RYR2: variants seen among roughly 807,000 people sequenced by gnomAD.
RYR2 encodes cardiac muscle ryanodine receptor-calcium release channel.
In RYR2, 227 loss-of-function variants were observed where a neutral mutation model predicts 601.1. The observed-to-expected ratio is 0.38, with a 90% CI of 0.34 to 0.42. The LOEUF (loss-of-function observed/expected upper bound fraction) is 0.42, where lower values mean the gene tolerates loss of function less well. Ranked by LOEUF, RYR2 falls within the 10% of genes least tolerant of loss-of-function variation. RYR2 has a pLI of 1.00. For missense variants in RYR2, 4,646 were observed against 6,156.5 expected, an observed-to-expected ratio of 0.75 and a Z score of 8.21; for synonymous variants, 2,223 against 2,175.1, an observed-to-expected ratio of 1.02 and a Z score of -0.61.
intron 27 of RYR2, among the ~76,000 whole-genome samples, chr1:237,554,307 A>T (rs1019326634): frequency 3.9e-5 from 6 of 151,942 alleles, no homozygotes; most frequent in African/African-American, 1.4e-4. Context: ...GTGATTTTCA[A>T]ATGTTAAACC....
intron 1 of RYR2, among the ~76,000 whole-genome samples, chr1:237,259,489 G>C (rs1688304271): frequency 6.8e-6 from 1 of 147,872 alleles, no homozygotes. Context: ...CTGGGCAACA[G>C]AGTGAGACTC....
At chr1:237,268,145 A>G (rs1689252653) in intron 1 of RYR2, among the ~76,000 whole-genome samples, 1 of 151,930 alleles carries the variant, frequency 6.6e-6, no homozygotes, top group East Asian at 1.9e-4. Context: ...TCATTCCCAA[A>G]CTGTCTTTAG....
At chr1:237,276,899 A>G (rs1237972819) in intron 2 of RYR2, among the ~76,000 whole-genome samples, 1 of 152,240 alleles carries the variant, frequency 6.6e-6, no homozygotes, top group Non-Finnish European at 1.5e-5. Flanking sequence ...GCATAATAAA[A>G]GAAGGAAAAG....
chr1:237,648,586 T>G lies in RYR2; in HGVS notation c.7485T>G (p.Asp2495Glu), dbSNP rs1220376537. The G allele has an allele frequency of 6.2e-7, 1 of 1,610,436 alleles. No individual in the cohort carries two copies. The highest frequency in any genetic ancestry group is 8.5e-7 in the Non-Finnish European group (1 of 1,178,260). The change falls in exon 49 of 105, where the codon GAT becomes GAG. Residue 2495 changes from aspartate to glutamate, a missense_variant. Asp to Glu is a conservative substitution (Grantham distance 45, BLOSUM62 2). Around this residue, in one of 17 missense-constraint regions of RYR2, gnomAD observed 1,497 missense variants for 1,842.6 expected, o/e 0.81. Coordinates refer to ENST00000366574, the MANE Select transcript of RYR2 (RefSeq NM_001035.3). ...TTCTTGAGGTTGGCTTTCTGCCAGA[T>G]CTCCGGGCGGCTGCTTCTTTAGATA... ...LHLLEVGFLP[D>E]LRAAASLDTA... is the part of the protein sequence containing the mutation.
Position 237,654,160 on chromosome 1 carries a change from T to C in RYR2, c.7825-114T>C, listed in dbSNP as rs115894581. ...AGATAATTTATATGGGATTGGGCAA[T>C]TTCACTTCAGATGACCTTATAATGT... On this transcript the variant is annotated intron_variant, in intron 51 of 104. Coordinates refer to ENST00000366574, the MANE Select transcript of RYR2 (RefSeq NM_001035.3). The C allele has an allele frequency of 7.4e-3, 9,664 of 1,305,152 alleles. 502 individuals are homozygous for C. The African/African-American group carries it at 0.12, about 16-fold the overall frequency. 80.8% of individuals were successfully genotyped at this position (1,305,152 alleles called of 1,614,324 possible).
At chr1:237,581,924 C>A (rs1426109756) in intron 29 of RYR2, among the ~76,000 whole-genome samples, 1 of 152,128 alleles carries the variant, frequency 6.6e-6, no homozygotes, top group African/African-American at 2.4e-5. Context: ...TGAAATGATT[C>A]TTGTGTGGCC....
chr1:237,241,749 A>T (rs1686192909), intron 1 of RYR2, among the ~76,000 whole-genome samples: 1 of 152,182 alleles, frequency 6.6e-6, no homozygotes, highest in African/African-American at 2.4e-5. Flanking sequence ...TCCAGAACTG[A>T]GGGTTCCTTC....
At chr1:237,792,381 G>GCA in intron 94 of RYR2, 58 bp downstream of exon 94, 9 of 913,332 alleles carry the variant, frequency 9.9e-6, no homozygotes, top group Middle Eastern at 3.4e-4. Flanking sequence ...GTGTGTGTGT[G>GCA]CGTGTGTGTG....
At chr1:237,306,422 G>A (rs1043547915) in intron 2 of RYR2, among the ~76,000 whole-genome samples, 1 of 152,086 alleles carries the variant, frequency 6.6e-6, no homozygotes, top group African/African-American at 2.4e-5. Context: ...GCAGTCTATG[G>A]ACTATTCTAT....
At chr1:237,668,233 G>T (rs1057054756) in intron 58 of RYR2, among the ~76,000 whole-genome samples, 1 of 152,082 alleles carries the variant, frequency 6.6e-6, no homozygotes, top group South Asian at 2.1e-4. Flanking sequence ...TTCTATGAAT[G>T]ACTTAGACTT....
At chr1:237,500,981 C>A (rs535484529) in intron 21 of RYR2, 78 bp downstream of exon 21, 269 of 1,310,796 alleles carry the variant, frequency 2.1e-4, no homozygotes, top group South Asian at 1.3e-3. Flanking sequence ...ACTGCCATTG[C>A]CCTTCTTCTC....
intron 79 of RYR2, among the ~76,000 whole-genome samples, chr1:237,734,987 A>G (rs1354812856): frequency 6.6e-6 from 1 of 152,198 alleles, no homozygotes; most frequent in African/African-American, 2.4e-5. Flanking sequence ...GCCTGTAAGG[A>G]CACAGAACAT....
chr1:237,257,610 G>A (rs1032886270), intron 1 of RYR2, among the ~76,000 whole-genome samples: 15 of 152,202 alleles, frequency 9.9e-5, no homozygotes, highest in African/African-American at 2.6e-4. Context: ...CCAGGGATGC[G>A]GTATGAACGA....
chr1:237,381,519 G>A (rs1355023191), intron 8 of RYR2, among the ~76,000 whole-genome samples: 1 of 152,208 alleles, frequency 6.6e-6, no homozygotes, highest in Non-Finnish European at 1.5e-5. Context: ...ACTCCTTGGT[G>A]ATCAGTGTCT....
At position 237,810,484 on chromosome 1, in the gene RYR2, T is replaced by C. The variant is rs566924119; in HGVS notation, c.14433+1449T>C. On this transcript the variant is annotated intron_variant, in intron 100 of 104. Transcript: ENST00000366574. The stretch of plus-strand genomic sequence containing the variant: ...TTGTTAAAACCCACAGTTGGTGAAT[T>C]GATGGGAAAAATCAGCATTTTCATG... 2.0e-5 allele frequency among the ~76,000 whole-genome samples: 3 copies of C among 152,330 alleles called. No individual in the cohort carries two copies. In the South Asian group the frequency reaches 6.2e-4, roughly 32 times the overall value.
intron 65 of RYR2, among the ~76,000 whole-genome samples, chr1:237,701,310 C>T (rs1331431478): frequency 2.0e-5 from 3 of 152,152 alleles, no homozygotes; most frequent in Admixed American, 6.5e-5. Flanking sequence ...GTGGGTGGTT[C>T]AGCTGAAGTC....
chr1:237,052,413 TA>T, intron 1 of RYR2, among the ~76,000 whole-genome samples: 1 of 152,234 alleles, frequency 6.6e-6, no homozygotes, highest in African/African-American at 2.4e-5. Flanking sequence ...TATTTCATTA[TA>T]AAATATGAAA....
intron 10 of RYR2, among the ~76,000 whole-genome samples, chr1:237,413,063 T>C (rs1704602296): frequency 6.6e-6 from 1 of 152,162 alleles, no homozygotes; most frequent in African/African-American, 2.4e-5. Context: ...GAAATTCCTA[T>C]TTATTTAAGA....
chr1:237,421,557 C>A lies in RYR2; in HGVS notation c.849-1535C>A, dbSNP rs933390544. Among the ~76,000 whole-genome samples, 3 of 152,152 alleles carry A rather than the reference C, an allele frequency of 2.0e-5. No homozygotes were observed. The South Asian group carries it at 6.2e-4, about 32-fold the overall frequency. ...AATTTTCTATGCTAACATCTCAAGT[C>A]AAAAATCCAGGTTAGGAAAACAACA... is the stretch of plus-strand genomic sequence containing the variant. On this transcript the variant is annotated intron_variant, in intron 11 of 104. Transcript: ENST00000366574.
Sources: gnomAD v4.1 joint callset for allele counts (sites outside exome capture counted in the v4.1 genomes callset) on GRCh38, gnomAD v4.1.1 for gene constraint, gnomAD v4.1.1 regional missense constraint, MANE v1.5 for transcripts, NCBI Gene and HGNC (gene_info 2026-07-23, HGNC 2026-07-21) for gene names.